Variants in COL28A1 observed in about 807,000 individuals in gnomAD.
COL28A1 encodes collagen type XXVIII alpha 1 chain.
A neutral mutation model predicts 150.2 loss-of-function variants in COL28A1; 161 were observed. That is an observed-to-expected ratio of 1.07 (90% CI 0.94 to 1.22). The LOEUF is 1.22. Ranked by LOEUF, COL28A1 falls within the 50% of genes most tolerant of loss-of-function variation. The probability of loss-of-function intolerance (pLI) is 0.00; values close to 1 mark genes in which losing one functional copy is unlikely to be tolerated. For missense variants in COL28A1, 1,617 were observed against 1,388.3 expected (o/e 1.16, Z -2.62); for synonymous variants, 552 against 469.7 (o/e 1.18, Z -2.26).
intron 8 of COL28A1, among the ~76,000 whole-genome samples, chr7:7,515,478 C>G (rs1202141201): frequency 1.3e-5 from 2 of 152,156 alleles, no homozygotes; most frequent in Non-Finnish European, 2.9e-5. Flanking sequence ...AAGGGTGCAA[C>G]CTATTTGCAG....
At chr7:7,491,093 A>G (rs377655202) in intron 11 of COL28A1, among the ~76,000 whole-genome samples, 3 of 152,282 alleles carry the variant, frequency 2.0e-5, no homozygotes, top group African/African-American at 7.2e-5. Context: ...TCTGGAAGAC[A>G]TATTTTGTTT....
chr7:7,385,067 G>C (rs990197364), intron 27 of COL28A1, among the ~76,000 whole-genome samples: 1 of 152,218 alleles, frequency 6.6e-6, no homozygotes, highest in Non-Finnish European at 1.5e-5. Flanking sequence ...GTGATATGCA[G>C]GACTGCAGGC....
intron 10 of COL28A1, 32 bp downstream of exon 10, chr7:7,507,085 T>C (rs200470307): frequency 1.1e-5 from 11 of 979,776 alleles, no homozygotes; most frequent in African/African-American, 6.4e-5. Flanking sequence ...GTGATTCTAA[T>C]TCAAACTTAG....
chr7:7,543,506 A>G, the COL28A1 span, among the ~76,000 whole-genome samples: 5 of 152,288 alleles, frequency 3.3e-5, no homozygotes, highest in Admixed American at 2.6e-4. Flanking sequence ...TTCAAGCCCT[A>G]ATTTGTAGCA....
intron 8 of COL28A1, among the ~76,000 whole-genome samples, chr7:7,515,059 T>G (rs553715326): frequency 6.6e-6 from 1 of 152,150 alleles, no homozygotes; most frequent in Non-Finnish European, 1.5e-5. Flanking sequence ...AGCTGGACCC[T>G]CTAAAGTTCT....
At chr7:7,432,077 T>C (rs1315406652) in intron 25 of COL28A1, among the ~76,000 whole-genome samples, 2 of 152,138 alleles carry the variant, frequency 1.3e-5, no homozygotes, top group South Asian at 2.1e-4. Context: ...GGAAATTAGA[T>C]ACATGAGACC....
chr7:7,511,845 CT>C (rs1192032258), intron 8 of COL28A1: 1 of 466,700 alleles, frequency 2.1e-6, no homozygotes, highest in Admixed American at 2.4e-5. Context: ...TAGAATATTG[CT>C]GAAAAAACAA....
chr7:7,459,880 T>G (rs1322775860), intron 15 of COL28A1, among the ~76,000 whole-genome samples: 2 of 152,202 alleles, frequency 1.3e-5, no homozygotes, highest in Non-Finnish European at 2.9e-5. Context: ...ACTCCATAAT[T>G]ATATCTGAGC....
intron 33 of COL28A1, among the ~76,000 whole-genome samples, chr7:7,367,026 A>C (rs1014526493): frequency 2.0e-5 from 3 of 152,234 alleles, no homozygotes; most frequent in African/African-American, 7.2e-5. Context: ...CATTTTGGTC[A>C]ACCACACACA....
intron 13 of COL28A1, among the ~76,000 whole-genome samples, chr7:7,486,109 T>A (rs903154078): frequency 6.6e-5 from 10 of 152,178 alleles, no homozygotes; most frequent in African/African-American, 2.4e-4. Flanking sequence ...ATGTATTAAG[T>A]ATTCTCTGAT....
chr7:7,419,980 T>G, intron 25 of COL28A1, 27 bp from the exon 26 acceptor site: 3 of 1,501,364 alleles, frequency 2.0e-6, no homozygotes, highest in Non-Finnish European at 2.7e-6. Flanking sequence ...AATAACAAGT[T>G]ACTAATTTTT....
chr7:7,380,637 T>A, intron 30 of COL28A1, 23 bp downstream of exon 30: 1 of 1,608,000 alleles, frequency 6.2e-7, no homozygotes, highest in Non-Finnish European at 8.5e-7. Flanking sequence ...AACCCTCAAT[T>A]ACCCTCTAGA....
intron 1 of COL28A1, 75 bp from the exon 2 acceptor site, chr7:7,532,987 G>T (rs529275933): frequency 1.5e-6 from 2 of 1,344,484 alleles, no homozygotes; most frequent in East Asian, 5.3e-5. Context: ...AAGCCAGCAG[G>T]GTTGAAAACT....
At chr7:7,522,724 G>A (rs934798910) in intron 4 of COL28A1, among the ~76,000 whole-genome samples, 3 of 148,326 alleles carry the variant, frequency 2.0e-5, no homozygotes, top group Non-Finnish European at 4.4e-5. Context: ...CTAATCTTTT[G>A]GCTTCCCTGG....
intron 11 of COL28A1, among the ~76,000 whole-genome samples, chr7:7,503,768 T>C (rs1204240401): frequency 1.3e-5 from 2 of 152,180 alleles, no homozygotes; most frequent in Non-Finnish European, 2.9e-5. Context: ...AAGTTAGTAA[T>C]AGTGTCAAAG....
At chr7:7,412,632 C>G (rs1307673957) in intron 27 of COL28A1, among the ~76,000 whole-genome samples, 1 of 151,972 alleles carries the variant, frequency 6.6e-6, no homozygotes, top group African/African-American at 2.4e-5. Context: ...TCAATCATTC[C>G]TCACAACAAC....
chr7:7,477,438 A>G (rs867357663), intron 13 of COL28A1, among the ~76,000 whole-genome samples: 1 of 152,250 alleles, frequency 6.6e-6, no homozygotes, highest in Non-Finnish European at 1.5e-5. Context: ...GATTCAAAGT[A>G]TACCAGATGT....
intron 23 of COL28A1, among the ~76,000 whole-genome samples, chr7:7,432,966 T>TAC (rs72592964): frequency 0.99 from 150,121 of 152,290 alleles, 74,000 homozygotes; most frequent in East Asian, 1. Context: ...GTGGGATAAC[T>TAC]AGTTTCCTAT....
chr7:7,524,427 C>T (rs987189679), intron 3 of COL28A1, among the ~76,000 whole-genome samples, 178 bp from the exon 4 acceptor site: 1 of 152,160 alleles, frequency 6.6e-6, no homozygotes, highest in South Asian at 2.1e-4. Flanking sequence ...GCAGTCCGAG[C>T]CATGTAATAA....
Sources: gnomAD v4.1 joint callset for allele counts (sites outside exome capture counted in the v4.1 genomes callset) on GRCh38, gnomAD v4.1.1 for gene constraint, MANE v1.5 for transcripts, NCBI Gene and HGNC (gene_info 2026-07-23, HGNC 2026-07-21) for gene names.